Variants in SCFD2 observed in about 807,000 individuals in gnomAD.
SCFD2 encodes the protein sec1 family domain-containing protein 2.
SCFD2 carries 54 observed loss-of-function variants against 58.9 expected under a neutral mutation model. That is an observed-to-expected ratio of 0.92 (90% confidence interval 0.74 to 1.15). SCFD2 has a LOEUF of 1.15. Ranked by LOEUF, SCFD2 falls within the 50% of genes most tolerant of loss-of-function variation. The pLI, the probability that SCFD2 is intolerant of heterozygous loss-of-function variation, is 0.00. For synonymous variants in SCFD2, 321 were observed against 335.9 expected (o/e 0.96, Z 0.49); for missense variants, 805 against 836.6 (o/e 0.96, Z 0.47).
At chr4:52,955,789 T>C (rs891652027) in intron 5 of SCFD2, among the ~76,000 whole-genome samples, 2 of 152,186 alleles carry the variant, frequency 1.3e-5, no homozygotes, top group Admixed American at 6.5e-5. Flanking sequence ...AGAAAATAGC[T>C]TTTCCATGAT....
At chr4:53,254,493 T>G (rs192232340) in intron 4 of SCFD2, among the ~76,000 whole-genome samples, 1 of 151,968 alleles carries the variant, frequency 6.6e-6, no homozygotes, top group Admixed American at 6.6e-5. Flanking sequence ...TTTCTTTTTT[T>G]TTTTGTTTTA....
intron 5 of SCFD2, among the ~76,000 whole-genome samples, chr4:53,071,591 A>G (rs1723815547): frequency 1.3e-5 from 2 of 152,108 alleles, no homozygotes; most frequent in African/African-American, 2.4e-5. Flanking sequence ...ACAAACAAAA[A>G]AATCCTGAGG....
intron 5 of SCFD2, among the ~76,000 whole-genome samples, chr4:53,087,376 C>T (rs1724336200): frequency 6.6e-6 from 1 of 152,162 alleles, no homozygotes; most frequent in South Asian, 2.1e-4. Context: ...ACTCTGTCAC[C>T]TAGGCTGGAG....
intron 5 of SCFD2, among the ~76,000 whole-genome samples, chr4:53,102,128 T>C (rs552906251): frequency 3.3e-4 from 51 of 152,294 alleles, no homozygotes; most frequent in African/African-American, 1.2e-3. Flanking sequence ...ATTATTCTAG[T>C]ATATGATACA....
chr4:53,119,989 G>C (rs908586061), intron 5 of SCFD2, among the ~76,000 whole-genome samples: 1 of 152,170 alleles, frequency 6.6e-6, no homozygotes, highest in African/African-American at 2.4e-5. Context: ...AACCAGGAAA[G>C]CAAGGGGCCC....
rs574912668 is a variant in SCFD2, at chr4:53,249,734, A to T, written c.1311+24092T>A. On this transcript the variant is annotated intron_variant, in intron 4 of 8. Transcript: ENST00000401642. ...TTCATAAGAGAAGGAGAAATAAAAT[A>T]CAGACAAGCAAATGCTGAGAGATTT... is the stretch of plus-strand genomic sequence containing the variant. Among the ~76,000 whole-genome samples the T allele has an allele frequency of 2.6e-5, 4 of 151,956 alleles. No individual in the cohort carries two copies. In the East Asian group the frequency reaches 5.8e-4, roughly 22 times the overall value.
intron 5 of SCFD2, among the ~76,000 whole-genome samples, chr4:53,036,300 C>T (rs1722758452): frequency 6.6e-6 from 1 of 151,482 alleles, no homozygotes; most frequent in African/African-American, 2.4e-5. Flanking sequence ...CGTGTGACAA[C>T]ATGTAGTGTT....
At chr4:52,906,607 C>T (rs570692451) in intron 7 of SCFD2, among the ~76,000 whole-genome samples, 1 of 152,324 alleles carries the variant, frequency 6.6e-6, no homozygotes, top group East Asian at 1.9e-4. Context: ...AGGTCCGCTC[C>T]AGCAGGCTTA....
intron 5 of SCFD2, among the ~76,000 whole-genome samples, chr4:53,079,345 C>A (rs189189059): frequency 2.8e-4 from 43 of 152,312 alleles, no homozygotes; most frequent in African/African-American, 1.0e-3. Flanking sequence ...ATTACACAGT[C>A]TACCAATTCA....
At chr4:53,140,715 C>T (rs768439184) in intron 5 of SCFD2, among the ~76,000 whole-genome samples, 7 of 152,060 alleles carry the variant, frequency 4.6e-5, no homozygotes, top group Admixed American at 2.6e-4. Flanking sequence ...TGAGCATGCA[C>T]GGCATAAAAC....
At chr4:53,315,271 A>T (rs2149113110) in intron 2 of SCFD2, among the ~76,000 whole-genome samples, 1 of 151,556 alleles carries the variant, frequency 6.6e-6, no homozygotes, top group South Asian at 2.1e-4. Context: ...AAAGCCTTCA[A>T]GAAAGATATA....
chr4:53,258,755 G>T (rs932386070), intron 4 of SCFD2, among the ~76,000 whole-genome samples: 1 of 151,796 alleles, frequency 6.6e-6, no homozygotes, highest in Non-Finnish European at 1.5e-5. Context: ...TAGTGGGATT[G>T]CTGGGTCAAA....
chr4:53,298,352 C>T (rs1467704805), intron 3 of SCFD2, among the ~76,000 whole-genome samples: 2 of 152,164 alleles, frequency 1.3e-5, no homozygotes, highest in Non-Finnish European at 2.9e-5. Flanking sequence ...TCATTGCTAG[C>T]ACAGCAGTCT....
intron 5 of SCFD2, among the ~76,000 whole-genome samples, chr4:53,085,705 T>C (rs2148862286): frequency 6.6e-6 from 1 of 151,808 alleles, no homozygotes; most frequent in Non-Finnish European, 1.5e-5. Flanking sequence ...CAATGAAACA[T>C]AATAGAGAAT....
chr4:53,115,748 A>C (rs921222425), intron 5 of SCFD2, among the ~76,000 whole-genome samples: 1 of 152,186 alleles, frequency 6.6e-6, no homozygotes, highest in Admixed American at 6.6e-5. Flanking sequence ...ATATCTATTT[A>C]TAGTATGGCA....
chr4:52,885,979 T>G, intron 7 of SCFD2, 113 bp from the exon 8 acceptor site: 1 of 1,347,178 alleles, frequency 7.4e-7, no homozygotes, highest in Non-Finnish European at 1.0e-6. Flanking sequence ...CTACTGATAG[T>G]GGCAGGAGGC....
At chr4:53,223,998 C>A (rs1729123609) in intron 4 of SCFD2, among the ~76,000 whole-genome samples, 1 of 152,184 alleles carries the variant, frequency 6.6e-6, no homozygotes. Flanking sequence ...TTGGGAGGTG[C>A]AGTCTAATTC....
At chr4:53,024,983 C>T (rs1347515406) in intron 5 of SCFD2, among the ~76,000 whole-genome samples, 2 of 152,310 alleles carry the variant, frequency 1.3e-5, no homozygotes, top group South Asian at 2.1e-4. Flanking sequence ...ACTGGTTATA[C>T]TCTACCTTAT....
intron 5 of SCFD2, among the ~76,000 whole-genome samples, chr4:52,966,873 G>A (rs1720976651): frequency 6.6e-6 from 1 of 152,002 alleles, no homozygotes; most frequent in African/African-American, 2.4e-5. Flanking sequence ...TACCATTGTA[G>A]CCATTTTAAG....
Sources: allele counts gnomAD v4.1 joint callset (sites outside exome capture counted in the v4.1 genomes callset), GRCh38; gene constraint gnomAD v4.1.1; transcripts MANE v1.5; gene names NCBI Gene and HGNC (gene_info 2026-07-23, HGNC 2026-07-21).